Variants in POLE2 observed in about 807,000 individuals in gnomAD.
POLE2 encodes DNA polymerase epsilon subunit 2.
A neutral mutation model predicts 79.4 loss-of-function variants in POLE2; 56 were observed. The observed-to-expected ratio is 0.71, with a 90% CI of 0.57 to 0.88. POLE2 has a LOEUF of 0.88. POLE2 is among the 40% of genes least tolerant of loss of function. POLE2 has a pLI of 0.00. For missense variants in POLE2, 598 were observed against 638.9 expected (o/e 0.94, Z 0.69); for synonymous variants, 212 against 214.0 (o/e 0.99, Z 0.08).
chr14:49,653,275 G>T (rs1724622336), intron 15 of POLE2, among the ~76,000 whole-genome samples: 1 of 152,202 alleles, frequency 6.6e-6, no homozygotes, highest in African/African-American at 2.4e-5. Context: ...ACTGGAGAAG[G>T]CCAGCAAAGG....
At position 49,665,145 on chromosome 14, in the gene POLE2, CT is replaced by C; in HGVS notation, c.594del (p.Asp199IlefsTer8). 1 of 1,398,692 alleles carries C rather than the reference CT, an allele frequency of 7.1e-7. No individual in the cohort carries two copies. The highest frequency in any genetic ancestry group is 1.0e-6 in the Non-Finnish European group (1 of 988,992). The allele number at this position is 1,398,692 out of a possible 1,614,324, so 86.6% of individuals were successfully genotyped here. ...TQLKEGKFFL[E>X]DPTGTVQLDL... ...TCTAGTTGGACTGTTCCAGTAGGAT[CT>C]TCCAGAAAAAATTTTCCCTAAAAAA... On this transcript the variant is annotated frameshift_variant, in exon 8 of 19. Transcript: ENST00000216367. LOFTEE classifies it high-confidence loss of function.
rs139370609 is a variant in POLE2 at position 49,669,539 on chromosome 14, G to A, written c.477C>T (p.Ser159=). 3.9e-4 allele frequency: 614 copies of A among 1,583,072 alleles called. 6 individuals are homozygous for A. The African/African-American group carries it at 6.8e-3, about 18-fold the overall frequency. ...ATGTTCTAACCTGGAATTTGCTTCC[G>A]CTTTCATCAGGGTGAGAACCTATCA... The part of the protein sequence containing the change: ...PPVIGSHPDE[S]GSKFQLKTIE... Residue 159 remains serine (S), a synonymous_variant, in exon 6 of 19, where the codon AGC becomes AGT. Coordinates refer to ENST00000216367, the MANE Select transcript of POLE2 (RefSeq NM_002692.4).
At chr14:49,649,427 T>C (rs1296663736) in intron 17 of POLE2, among the ~76,000 whole-genome samples, 2 of 150,148 alleles carry the variant, frequency 1.3e-5, no homozygotes, top group Non-Finnish European at 3.0e-5. Context: ...ATTACAGGCG[T>C]GAGCCACCAC....
chr14:49,670,232 C>A (rs1392217815), intron 5 of POLE2, among the ~76,000 whole-genome samples: 4 of 141,224 alleles, frequency 2.8e-5, no homozygotes, highest in Non-Finnish European at 6.0e-5. Context: ...AGGAGAATTG[C>A]TTGAATCCAG....
intron 18 of POLE2, among the ~76,000 whole-genome samples, chr14:49,644,962 A>T (rs894236725): frequency 1.3e-5 from 2 of 150,770 alleles, no homozygotes; most frequent in Non-Finnish European, 2.9e-5. Flanking sequence ...GAATCGCTTG[A>T]ACCCAAGAGA....
intron 18 of POLE2, among the ~76,000 whole-genome samples, chr14:49,646,388 G>C (rs1261853753): frequency 7.5e-6 from 1 of 133,118 alleles, no homozygotes; most frequent in Non-Finnish European, 1.5e-5. Flanking sequence ...CGCCATCTCT[G>C]CTCACTCAAC....
chr14:49,645,045 A>C (rs1408995754), intron 18 of POLE2, among the ~76,000 whole-genome samples: 1 of 148,420 alleles, frequency 6.7e-6, no homozygotes, highest in South Asian at 2.1e-4. Flanking sequence ...CCGTCTCACA[A>C]AAAAAAAAAA....
intron 15 of POLE2, among the ~76,000 whole-genome samples, chr14:49,652,849 AC>A (rs1202069155): frequency 6.6e-6 from 1 of 150,960 alleles, no homozygotes; most frequent in African/African-American, 2.4e-5. Context: ...TCCCAAAATC[AC>A]CCCCACCCCC....
chr14:49,674,149 G>A lies in POLE2; in HGVS notation c.391C>T (p.Arg131Cys), dbSNP rs371966509. Residue 131 changes from arginine to cysteine, a missense_variant, in exon 5 of 19, where the codon CGT becomes TGT. By Grantham distance (180) the Arg-to-Cys change is radical. Transcript: ENST00000216367. ...GTPRDKAEMFRERYTILHQRT... is the reference protein window; with the variant it reads ...GTPRDKAEMFCERYTILHQRT... ...TGGTGCAAAATGGTATATCGCTCACGAAACATCTCTGCTTTATCTCTTGGT... is the reference window on the plus strand; with the variant it reads ...TGGTGCAAAATGGTATATCGCTCACAAAACATCTCTGCTTTATCTCTTGGT... The A allele has an allele frequency of 2.2e-5, 35 of 1,612,620 alleles. No individual in the cohort carries two copies. The highest frequency in any genetic ancestry group is 3.3e-5 in the South Asian group (3 of 91,054).
Position 49,683,624 on chromosome 14 carries a change from T to C in POLE2, c.138A>G (p.Glu46=). The C allele has an allele frequency of 1.9e-6, 3 of 1,584,546 alleles. No homozygotes were observed. Among genetic ancestry groups the C allele is most frequent in the South Asian group, 2.2e-5 (2 of 89,932 alleles). ...GCTTCTCAACTGCATTAATTATCTT[T>C]TCCAGTTTATCTTCAAGCTCTAATT... ...ISELELEDKL[E]KIINAVEKQP... The change falls in exon 2 of 19, where the codon GAA becomes GAG. Residue 46 remains glutamate, a synonymous_variant. Transcript: ENST00000216367.
At chr14:49,651,755 G>GTCTA (rs1355046218) in intron 15 of POLE2, among the ~76,000 whole-genome samples, 17 of 152,286 alleles carry the variant, frequency 1.1e-4, no homozygotes, top group Admixed American at 1.1e-3. Flanking sequence ...GAGCCTAGAA[G>GTCTA]GCGGGCATAT....
intron 10 of POLE2, among the ~76,000 whole-genome samples, chr14:49,660,532 A>G (rs1048743536): frequency 6.6e-6 from 1 of 151,948 alleles, no homozygotes; most frequent in Non-Finnish European, 1.5e-5. Flanking sequence ...AGACTCAACT[A>G]CTTTTCCAAT....
chr14:49,647,504 G>A (rs1394876025), intron 17 of POLE2, 144 bp from the exon 18 acceptor site: 10 of 283,656 alleles, frequency 3.5e-5, no homozygotes, highest in Non-Finnish European at 5.3e-5. Context: ...CATCACCCAG[G>A]CTGGAGTGCA....
chr14:49,647,281 GCA>G lies in POLE2; in HGVS notation c.1565+10_1565+11del, dbSNP rs1883847629. On this transcript the variant is annotated intron_variant, in intron 18 of 18. Coordinates refer to ENST00000216367, the MANE Select transcript of POLE2 (RefSeq NM_002692.4). ...GAAAGATCTTTCTTGCTGTGTCTGT[GCA>G]CACACTTACCTATCTTCTACTGTCT... 2 of 1,362,240 alleles carry G rather than the reference GCA, an allele frequency of 1.5e-6. No individual in the cohort carries two copies. The highest frequency in any genetic ancestry group is 2.0e-6 in the Non-Finnish European group (2 of 977,796). 84.4% of individuals were successfully genotyped at this position (1,362,240 alleles called of 1,614,324 possible).
chr14:49,647,687 G>T (rs993371818), intron 17 of POLE2, among the ~76,000 whole-genome samples: 7 of 152,044 alleles, frequency 4.6e-5, no homozygotes, highest in Non-Finnish European at 1.0e-4. Context: ...TGAACTCTTG[G>T]GCACAGGTGA....
At chr14:49,663,200 C>T (rs1230536862) in intron 10 of POLE2, 115 bp downstream of exon 10, 2 of 470,540 alleles carry the variant, frequency 4.3e-6, no homozygotes. Flanking sequence ...TTGCTTTTTC[C>T]ATTTTGACAC....
intron 18 of POLE2, among the ~76,000 whole-genome samples, chr14:49,644,646 TTAC>T (rs1320606183): frequency 3.9e-5 from 6 of 152,176 alleles, no homozygotes; most frequent in African/African-American, 1.4e-4. Flanking sequence ...TACATTATAT[TTAC>T]TTCTTTGAGG....
At chr14:49,647,040 C>T (rs1883828542) in intron 18 of POLE2, 1 of 306,740 alleles carries the variant, frequency 3.3e-6, no homozygotes. Context: ...TGTAAGAGAA[C>T]TAGCTCACCT....
At chr14:49,669,175 T>A (rs79540023) in intron 6 of POLE2, among the ~76,000 whole-genome samples, 6 of 152,272 alleles carry the variant, frequency 3.9e-5, no homozygotes, top group South Asian at 4.1e-4. Context: ...AGTTCCTTAG[T>A]GTTATGGTCA....
Sources: allele counts gnomAD v4.1 joint callset (sites outside exome capture counted in the v4.1 genomes callset), GRCh38; gene constraint gnomAD v4.1.1; transcripts MANE v1.5; gene names NCBI Gene and HGNC (gene_info 2026-07-23, HGNC 2026-07-21).